Variants in RNLS observed in about 807,000 individuals in gnomAD.
RNLS encodes the protein renalase.
A neutral mutation model predicts 39.8 loss-of-function variants in RNLS; 39 were observed. The observed-to-expected ratio is 0.98, with a 90% CI of 0.76 to 1.28. The LOEUF is 1.28. Ranked by LOEUF, RNLS falls within the 50% of genes most tolerant of loss-of-function variation. The pLI is 0.00. For missense variants in RNLS, 410 were observed against 413.3 expected (o/e 0.99, Z 0.07); for synonymous variants, 147 against 150.7 (o/e 0.98, Z 0.18).
intron 4 of RNLS, among the ~76,000 whole-genome samples, chr10:88,382,748 C>G (rs1191666433): frequency 6.6e-6 from 1 of 152,036 alleles, no homozygotes; most frequent in African/African-American, 2.4e-5. Flanking sequence ...ACAGATATAG[C>G]TGATACCACT....
intron 4 of RNLS, among the ~76,000 whole-genome samples, chr10:88,530,056 T>C (rs1847325351): frequency 6.6e-6 from 1 of 152,194 alleles, no homozygotes; most frequent in Non-Finnish European, 1.5e-5. Context: ...CCAGGCAACA[T>C]TACTAATGAA....
chr10:88,517,729 A>G (rs539709613), intron 4 of RNLS, among the ~76,000 whole-genome samples: 3 of 151,916 alleles, frequency 2.0e-5, no homozygotes, highest in African/African-American at 7.2e-5. Context: ...GAAGGCCTAA[A>G]TTACTTATAA....
At chr10:88,502,378 G>A (rs1270618655) in intron 4 of RNLS, among the ~76,000 whole-genome samples, 1 of 151,900 alleles carries the variant, frequency 6.6e-6, no homozygotes, top group African/African-American at 2.4e-5. Context: ...ATTACTTCCT[G>A]AAGAGCAGAG....
chr10:88,283,764 A>C (rs1232298270), downstream of RNLS, among the ~76,000 whole-genome samples: 1 of 152,072 alleles, frequency 6.6e-6, no homozygotes, highest in Admixed American at 6.6e-5. Context: ...AATGATAAGA[A>C]CATATGGACA....
rs192386286 is a variant in RNLS at position 88,548,553 on chromosome 10, T to A, written c.526+24350A>T. ...ACTAGGGAGGCTGAGACACAAGAAT[T>A]GCTTGAACCCGAGAGGCGGAGGTTG... On this transcript the variant is annotated intron_variant, in intron 4 of 6. Transcript: ENST00000331772. 7.2e-3 allele frequency among the ~76,000 whole-genome samples: 1,076 copies of A among 148,654 alleles called. 6 individuals carry two copies. The highest frequency in any genetic ancestry group is 0.025 in the African/African-American group (1,036 of 40,798).
At chr10:88,370,294 T>C (rs952604384) in intron 4 of RNLS, among the ~76,000 whole-genome samples, 1 of 152,140 alleles carries the variant, frequency 6.6e-6, no homozygotes, top group Non-Finnish European at 1.5e-5. Flanking sequence ...ATTATGAAGA[T>C]TTTAATGTTA....
At chr10:88,516,015 C>A (rs1846387163) in intron 4 of RNLS, among the ~76,000 whole-genome samples, 1 of 152,010 alleles carries the variant, frequency 6.6e-6, no homozygotes, top group Non-Finnish European at 1.5e-5. Flanking sequence ...GGATGCACAA[C>A]ACAAAATAAA....
chr10:88,356,569 T>C (rs1006064424), intron 5 of RNLS, among the ~76,000 whole-genome samples: 1 of 152,260 alleles, frequency 6.6e-6, no homozygotes, highest in African/African-American at 2.4e-5. Flanking sequence ...ATAACACTTC[T>C]GCATATTTTG....
At chr10:88,441,716 T>G (rs969806561) in intron 4 of RNLS, among the ~76,000 whole-genome samples, 1 of 152,168 alleles carries the variant, frequency 6.6e-6, no homozygotes, top group African/African-American at 2.4e-5. Flanking sequence ...GGGAAGAAAT[T>G]GTTCTGTAAG....
At chr10:88,530,798 T>C (rs772231570) in intron 4 of RNLS, among the ~76,000 whole-genome samples, 4 of 152,166 alleles carry the variant, frequency 2.6e-5, no homozygotes, top group Admixed American at 6.6e-5. Flanking sequence ...TCACAAAATA[T>C]GGCTTTGATT....
rs1301181612 is a variant in RNLS at position 88,583,135 on chromosome 10, A to G, written c.56T>C (p.Leu19Pro). 1 of 1,613,970 alleles carries G rather than the reference A, an allele frequency of 6.2e-7. No homozygotes were observed. Among genetic ancestry groups the G allele is most frequent in the Non-Finnish European group, 8.5e-7 (1 of 1,179,964 alleles). The change falls in exon 1 of 7, where the codon CTG becomes CCG. Residue 19 changes from leucine to proline, a missense_variant. Transcript: ENST00000331772. Reference protein sequence around the residue: ...AGMTGSLCAALLRRQTSGPLY... With the variant: ...AGMTGSLCAAPLRRQTSGPLY... The stretch of plus-strand genomic sequence containing the variant: ...GGGACCGGACGTCTGCCTCCTCAGC[A>G]GCGCAGCGCACAAGCTTCCTGTCAT...
the RNLS span, among the ~76,000 whole-genome samples, chr10:88,212,456 T>C: frequency 1.3e-5 from 2 of 152,242 alleles, no homozygotes; most frequent in Non-Finnish European, 2.9e-5. Flanking sequence ...TTATTTTAAA[T>C]GGTACAACCA....
At chr10:88,497,331 G>A (rs527376320) in intron 4 of RNLS, among the ~76,000 whole-genome samples, 2 of 152,016 alleles carry the variant, frequency 1.3e-5, no homozygotes, top group South Asian at 4.1e-4. Flanking sequence ...AAAGAAGATG[G>A]CAACCACTAG....
At chr10:88,365,277 C>T (rs533445796) in intron 4 of RNLS, among the ~76,000 whole-genome samples, 15 of 151,714 alleles carry the variant, frequency 9.9e-5, no homozygotes, top group African/African-American at 2.7e-4. Context: ...TCTTGCAAGG[C>T]GGGCAAGATC....
At chr10:88,188,265 C>T in the RNLS span, among the ~76,000 whole-genome samples, 3 of 152,200 alleles carry the variant, frequency 2.0e-5, no homozygotes, top group African/African-American at 4.8e-5. Flanking sequence ...CCATGTTTGC[C>T]AGGCTAGCCT....
At chr10:88,275,310 T>G (rs548565020) in intron 6 of RNLS, among the ~76,000 whole-genome samples, 1 of 152,330 alleles carries the variant, frequency 6.6e-6, no homozygotes, top group East Asian at 1.9e-4. Flanking sequence ...AATTGTTATC[T>G]TCTATTAATC....
At chr10:88,507,324 TA>T (rs1183392809) in intron 4 of RNLS, among the ~76,000 whole-genome samples, 1 of 151,932 alleles carries the variant, frequency 6.6e-6, no homozygotes, top group Non-Finnish European at 1.5e-5. Context: ...TCCTGGTAAT[TA>T]AAAAAAGCTA....
the RNLS span, among the ~76,000 whole-genome samples, chr10:88,242,491 C>T: frequency 6.6e-6 from 1 of 152,048 alleles, no homozygotes; most frequent in South Asian, 2.1e-4. Flanking sequence ...ATTTTAAAAC[C>T]TTCATATTTG....
At chr10:88,290,043 A>C (rs1434593611) in intron 6 of RNLS, among the ~76,000 whole-genome samples, 1 of 152,036 alleles carries the variant, frequency 6.6e-6, no homozygotes, top group Non-Finnish European at 1.5e-5. Context: ...AAAAGTTCAC[A>C]CAAAAAAGTG....
Sources: gnomAD v4.1 joint callset for allele counts (sites outside exome capture counted in the v4.1 genomes callset) on GRCh38, gnomAD v4.1.1 for gene constraint, MANE v1.5 for transcripts, NCBI Gene and HGNC (gene_info 2026-07-23, HGNC 2026-07-21) for gene names.